The following THADA variants were observed in gnomAD, a reference collection of about 807,000 sequenced individuals.
The protein encoded by THADA is THADA armadillo repeat containing.
THADA carries 213 observed loss-of-function variants against 219.8 expected under a neutral mutation model. The observed-to-expected ratio is 0.97, with a 90% CI of 0.87 to 1.09. THADA has a LOEUF of 1.09. THADA is among the 50% of genes least tolerant of loss of function. The pLI is 0.00. For synonymous variants in THADA, 1,018 were observed against 828.9 expected (o/e 1.23, Z -3.92); for missense variants, 2,956 against 2,311.3 (o/e 1.28, Z -5.72).
At chr2:43,404,111 T>C (rs1049886915) in intron 28 of THADA, among the ~76,000 whole-genome samples, 1 of 152,226 alleles carries the variant, frequency 6.6e-6, no homozygotes, top group African/African-American at 2.4e-5. Context: ...ACTAGAGTAA[T>C]GTCCTTTTAC....
intron 16 of THADA, among the ~76,000 whole-genome samples, chr2:43,559,365 C>T (rs1304379115): frequency 6.6e-6 from 1 of 152,156 alleles, no homozygotes; most frequent in Non-Finnish European, 1.5e-5. Flanking sequence ...GCCACAGAAA[C>T]AGACACTATC....
rs192560196 is a variant in THADA, at chr2:43,466,354, A to G, written c.3836+18880T>C. Reference sequence around the variant, plus strand: ...TCCTCCTGGCTCCCTTTGCCCCTACAGTTTTCTTCACTTGGTTAACTTCTA... The same window carrying G: ...TCCTCCTGGCTCCCTTTGCCCCTACGGTTTTCTTCACTTGGTTAACTTCTA... On this transcript the variant is annotated intron_variant, in intron 26 of 37. Transcript: ENST00000405975. Among the ~76,000 whole-genome samples the G allele has an allele frequency of 1.7e-4, 26 of 152,222 alleles. No homozygotes were observed. In the East Asian group the frequency reaches 4.4e-3, roughly 26 times the overall value.
chr2:43,537,155 G>A (rs762444225), intron 21 of THADA, among the ~76,000 whole-genome samples: 11 of 152,200 alleles, frequency 7.2e-5, no homozygotes, highest in East Asian at 1.9e-4. Context: ...CTCAAACACT[G>A]TTCTCCTACA....
intron 27 of THADA, among the ~76,000 whole-genome samples, chr2:43,428,954 C>A (rs1678870870): frequency 6.6e-6 from 1 of 152,146 alleles, no homozygotes; most frequent in African/African-American, 2.4e-5. Flanking sequence ...GCAAATGCAT[C>A]ATAACCAGAA....
intron 28 of THADA, among the ~76,000 whole-genome samples, chr2:43,415,555 C>T (rs1484537588): frequency 2.0e-5 from 3 of 152,162 alleles, no homozygotes; most frequent in Non-Finnish European, 2.9e-5. Context: ...CAGGAAAAAA[C>T]AGGGATTTAA....
Position 43,524,682 on chromosome 2 carries a change from A to C in THADA, c.3374+3197T>G, listed in dbSNP as rs974982691. Among the ~76,000 whole-genome samples, 6 of 152,360 alleles carry C rather than the reference A, an allele frequency of 3.9e-5. No homozygotes were observed. In the East Asian group the frequency reaches 1.2e-3, roughly 29 times the overall value. On this transcript the variant is annotated intron_variant, in intron 22 of 37. Coordinates refer to ENST00000405975, the MANE Select transcript of THADA (RefSeq NM_022065.5). ...ATGTTCTCTGCAAAACATTCTGTTC[A>C]GCAGATTTGAAATGTCTCTAAAGGG...
At position 43,447,364 on chromosome 2, in the gene THADA, C is replaced by T. The variant is rs188452903; in HGVS notation, c.3837-17062G>A. 3.3e-5 allele frequency among the ~76,000 whole-genome samples: 5 copies of T among 152,244 alleles called. No individual in the cohort carries two copies. The East Asian group carries it at 9.7e-4, about 29-fold the overall frequency. On this transcript the variant is annotated intron_variant, in intron 26 of 37. Coordinates refer to ENST00000405975, the MANE Select transcript of THADA (RefSeq NM_022065.5). ...GTGGTCATACTCTTTTCTTCTGTCT[C>T]CCAAATCTCCCTCTGCCTCCTTTGT...
At chr2:43,242,270 T>C (rs749396585) in intron 36 of THADA, among the ~76,000 whole-genome samples, 2 of 152,252 alleles carry the variant, frequency 1.3e-5, no homozygotes, top group African/African-American at 4.8e-5. Context: ...TCTTATACTA[T>C]GCAATTTACT....
chr2:43,284,514 C>T (rs910722179), intron 35 of THADA, among the ~76,000 whole-genome samples: 4 of 152,214 alleles, frequency 2.6e-5, no homozygotes, highest in Admixed American at 6.5e-5. Flanking sequence ...GTTTGGGAAC[C>T]TCTGCCTAAA....
chr2:43,548,481 C>A (rs950042563), intron 20 of THADA, among the ~76,000 whole-genome samples: 1 of 152,214 alleles, frequency 6.6e-6, no homozygotes, highest in Non-Finnish European at 1.5e-5. Context: ...GTGGAGCCTA[C>A]AGAGGCAGGC....
In THADA at chr2:43,541,323, CA is replaced by C. The variant is rs200479507; in HGVS notation, c.3107-8del. The stretch of plus-strand genomic sequence containing the variant: ...CATGTTTTTACTTCTTTACCTTAAA[CA>C]AAAAAAAACACAACGATTGCAACCT... On this transcript the variant is annotated splice_region_variant and splice_polypyrimidine_tract_variant and intron_variant, in intron 20 of 37. Coordinates refer to ENST00000405975, the MANE Select transcript of THADA (RefSeq NM_022065.5). 4.6e-5 allele frequency: 73 copies of C among 1,588,204 alleles called. No individual in the cohort carries two copies. The highest frequency in any genetic ancestry group is 1.7e-4 in the Middle Eastern group (1 of 5,954).
chr2:43,259,782 G>A (rs539183695), intron 36 of THADA, among the ~76,000 whole-genome samples: 22 of 152,266 alleles, frequency 1.4e-4, no homozygotes, highest in Admixed American at 1.4e-3. Flanking sequence ...ACTGTTGAAA[G>A]GAATACCTTA....
Position 43,592,414 on chromosome 2 carries a change from T to G in THADA, c.-22A>C, listed in dbSNP as rs751065697. On this transcript the variant is annotated splice_region_variant and 5_prime_UTR_variant, in exon 2 of 38. Coordinates refer to ENST00000405975, the MANE Select transcript of THADA (RefSeq NM_022065.5). Reference sequence around the variant, plus strand: ...CCATTTTAAATAGAATTAATAGTAGTCACTGCAAGAAAGAAGACTTTAAGG... The same window carrying G: ...CCATTTTAAATAGAATTAATAGTAGGCACTGCAAGAAAGAAGACTTTAAGG... 1 of 1,535,242 alleles carries G rather than the reference T, an allele frequency of 6.5e-7. No homozygotes were observed. Among genetic ancestry groups the G allele is most frequent in the African/African-American group, 1.4e-5 (1 of 73,342 alleles).
At chr2:43,253,895 G>C (rs1284927514) in intron 36 of THADA, among the ~76,000 whole-genome samples, 1 of 151,948 alleles carries the variant, frequency 6.6e-6, no homozygotes, top group Admixed American at 6.6e-5. Flanking sequence ...TAGCATTCCA[G>C]GTTTTAGCAG....
chr2:43,514,189 C>T (rs1690864833), intron 22 of THADA, among the ~76,000 whole-genome samples: 1 of 151,932 alleles, frequency 6.6e-6, no homozygotes, highest in South Asian at 2.1e-4. Flanking sequence ...GTGGCTCACG[C>T]CTGTAATCCC....
intron 26 of THADA, among the ~76,000 whole-genome samples, chr2:43,473,037 T>C (rs1685098575): frequency 6.6e-6 from 1 of 152,200 alleles, no homozygotes; most frequent in East Asian, 1.9e-4. Context: ...AACACTGCTG[T>C]ACACTACTGG....
intron 23 of THADA, among the ~76,000 whole-genome samples, chr2:43,507,510 G>A (rs1362104320): frequency 6.6e-6 from 1 of 152,200 alleles, no homozygotes; most frequent in Non-Finnish European, 1.5e-5. Context: ...TCAAATAAAA[G>A]TTGATTTCTG....
chr2:43,257,813 G>A (rs1371325978), intron 36 of THADA, among the ~76,000 whole-genome samples: 2 of 152,154 alleles, frequency 1.3e-5, no homozygotes, highest in Non-Finnish European at 2.9e-5. Flanking sequence ...CTTTAATTAC[G>A]TGTTACGGAT....
chr2:43,429,157 G>C (rs753689308), intron 27 of THADA, among the ~76,000 whole-genome samples: 1 of 151,934 alleles, frequency 6.6e-6, no homozygotes, highest in African/African-American at 2.4e-5. Context: ...ACCCAAGCTG[G>C]AGTGCAGTGG....
Sources: gnomAD v4.1 joint callset for allele counts (sites outside exome capture counted in the v4.1 genomes callset) on GRCh38, gnomAD v4.1.1 for gene constraint, MANE v1.5 for transcripts, NCBI Gene and HGNC (gene_info 2026-07-23, HGNC 2026-07-21) for gene names.